Variants in TMEM108 observed in about 807,000 individuals in gnomAD.
TMEM108 encodes transmembrane protein 108, also known as cancer/testis antigen 124.
TMEM108 carries 12 observed loss-of-function variants against 35.1 expected under a neutral mutation model. That is an observed-to-expected ratio of 0.34 (90% CI 0.22 to 0.55). The LOEUF is 0.55. TMEM108 is among the 20% of genes least tolerant of loss of function. The probability of loss-of-function intolerance (pLI) is 0.89; values close to 1 mark genes in which losing one functional copy is unlikely to be tolerated. For missense variants in TMEM108, 680 were observed against 753.3 expected (o/e 0.90, Z 1.14); for synonymous variants, 287 against 308.6 (o/e 0.93, Z 0.73).
intron 2 of TMEM108, among the ~76,000 whole-genome samples, chr3:133,168,753 C>A (rs576252071): frequency 6.6e-6 from 1 of 152,160 alleles, no homozygotes; most frequent in African/African-American, 2.4e-5. Flanking sequence ...TTTGTTCTTT[C>A]GCTCTTTGCA....
At chr3:133,293,805 G>T (rs1276116535) in intron 3 of TMEM108, among the ~76,000 whole-genome samples, 1 of 152,184 alleles carries the variant, frequency 6.6e-6, no homozygotes, top group East Asian at 1.9e-4. Flanking sequence ...TTATCTCACA[G>T]TGTCTTGTCT....
At chr3:133,370,871 AGTGTGTGTGTGTGTGTGTGTGT>A (rs71624013) in intron 3 of TMEM108, among the ~76,000 whole-genome samples, 8,624 of 125,536 alleles carry the variant, frequency 0.069, 298 homozygotes, top group South Asian at 0.079. Context: ...CCCAGCCCAT[AGTGTGTGTGTGTGTGTGTGTGT>A]GTGTGTGTGT....
intron 2 of TMEM108, among the ~76,000 whole-genome samples, chr3:133,055,632 AACC>A (rs1943457308): frequency 1.3e-5 from 2 of 152,344 alleles, no homozygotes; most frequent in African/African-American, 4.8e-5. Context: ...TCTTCCTATG[AACC>A]ACAGAAAGAG....
chr3:133,256,975 G>A (rs1946556687), intron 3 of TMEM108: 1 of 152,202 alleles, frequency 6.6e-6, no homozygotes, highest in African/African-American at 2.4e-5. Context: ...ATGGCTTGGT[G>A]AGAGGGATGA....
chr3:133,269,599 G>A (rs770290886), intron 3 of TMEM108, among the ~76,000 whole-genome samples: 9 of 152,200 alleles, frequency 5.9e-5, no homozygotes, highest in Non-Finnish European at 1.2e-4. Context: ...TGGCCCTTCT[G>A]TCTGACTCCC....
At chr3:133,207,047 G>A (rs191543135) in intron 2 of TMEM108, among the ~76,000 whole-genome samples, 42 of 152,320 alleles carry the variant, frequency 2.8e-4, no homozygotes, top group African/African-American at 7.9e-4. Flanking sequence ...GAGGGTTTGC[G>A]GAGCTGTGGT....
rs149024849 is a variant in TMEM108, at chr3:133,345,638, C to T, written c.41-34114C>T. 2.8e-3 allele frequency among the ~76,000 whole-genome samples: 431 copies of T among 151,962 alleles called. 4 individuals carry two copies. Among genetic ancestry groups the T allele is most frequent in the African/African-American group, 9.9e-3 (412 of 41,514 alleles). ...GAACATTATTGTTTTCCTGAAAGAT[C>T]CTAACCCATGAGAACTGAGACATTA... On this transcript the variant is annotated intron_variant, in intron 3 of 5. Transcript: ENST00000321871.
chr3:133,176,134 C>T (rs1349180908), intron 2 of TMEM108, among the ~76,000 whole-genome samples: 3 of 152,134 alleles, frequency 2.0e-5, no homozygotes, highest in Non-Finnish European at 2.9e-5. Flanking sequence ...ATCCTAAATA[C>T]ATATGCACCC....
chr3:133,047,618 C>T (rs1487566984), intron 2 of TMEM108, among the ~76,000 whole-genome samples: 1 of 152,202 alleles, frequency 6.6e-6, no homozygotes, highest in African/African-American at 2.4e-5. Context: ...GTATCTCCCT[C>T]CCTGTTTGTG....
intron 2 of TMEM108, among the ~76,000 whole-genome samples, chr3:133,094,605 G>A (rs9865345): frequency 0.23 from 34,806 of 152,104 alleles, 4,774 homozygotes; most frequent in Non-Finnish European, 0.3. Flanking sequence ...CATATCGCCA[G>A]CATATGGCAC....
At chr3:133,279,497 G>A (rs112069050) in intron 3 of TMEM108, among the ~76,000 whole-genome samples, 6,937 of 152,266 alleles carry the variant, frequency 0.046, 226 homozygotes, top group Middle Eastern at 0.071. Context: ...TAGGTTAAAG[G>A]AAAATATTCT....
At chr3:133,268,048 G>A (rs1946723010) in intron 3 of TMEM108, among the ~76,000 whole-genome samples, 1 of 152,206 alleles carries the variant, frequency 6.6e-6, no homozygotes, top group African/African-American at 2.4e-5. Flanking sequence ...TTATGATCTG[G>A]AATGGCAGAA....
At chr3:133,149,101 A>G (rs1478725402) in intron 2 of TMEM108, among the ~76,000 whole-genome samples, 3 of 152,196 alleles carry the variant, frequency 2.0e-5, no homozygotes, top group Non-Finnish European at 2.9e-5. Context: ...TCACTACCTG[A>G]TATTGCTCCA....
At chr3:133,117,827 C>G (rs890646112) in intron 2 of TMEM108, among the ~76,000 whole-genome samples, 1 of 152,128 alleles carries the variant, frequency 6.6e-6, no homozygotes, top group African/African-American at 2.4e-5. Context: ...TGTGAAGCCC[C>G]CATTGCTGGC....
At chr3:133,199,723 C>A (rs1390356830) in intron 2 of TMEM108, among the ~76,000 whole-genome samples, 1 of 151,942 alleles carries the variant, frequency 6.6e-6, no homozygotes, top group Admixed American at 6.6e-5. Flanking sequence ...CAGTACCCCA[C>A]TTGAGGAGGC....
chr3:133,261,235 A>G (rs922129025), intron 3 of TMEM108, among the ~76,000 whole-genome samples: 2 of 152,130 alleles, frequency 1.3e-5, no homozygotes, highest in African/African-American at 2.4e-5. Context: ...ATAAATTTCT[A>G]CCTCAGATGC....
chr3:133,174,567 G>C (rs745564524), intron 2 of TMEM108, among the ~76,000 whole-genome samples: 11 of 152,162 alleles, frequency 7.2e-5, no homozygotes, highest in Non-Finnish European at 1.3e-4. Context: ...AGGGAAACAG[G>C]GTCTGGAGTG....
At chr3:133,091,837 C>T (rs1943950174) in intron 2 of TMEM108, among the ~76,000 whole-genome samples, 1 of 150,944 alleles carries the variant, frequency 6.6e-6, no homozygotes, top group African/African-American at 2.4e-5. Context: ...AAATATTTCT[C>T]TGATTTGAGA....
chr3:133,092,121 C>G (rs1179597319), intron 2 of TMEM108, among the ~76,000 whole-genome samples: 1 of 152,166 alleles, frequency 6.6e-6, no homozygotes, highest in Admixed American at 6.5e-5. Context: ...TCTCTGATAC[C>G]TATTGAAATG....
Sources: allele counts gnomAD v4.1 joint callset (sites outside exome capture counted in the v4.1 genomes callset), GRCh38; gene constraint gnomAD v4.1.1; transcripts MANE v1.5; gene names NCBI Gene and HGNC (gene_info 2026-07-23, HGNC 2026-07-21).